COBL: variants seen among roughly 807,000 people sequenced by gnomAD.
The protein encoded by COBL is cordon-bleu WH2 repeat protein.
COBL carries 51 observed loss-of-function variants against 98.8 expected under a neutral mutation model. That is an observed-to-expected ratio of 0.52 (90% CI 0.41 to 0.65). The LOEUF is 0.65. COBL is among the 30% of genes least tolerant of loss of function. The pLI, the probability that COBL is intolerant of heterozygous loss-of-function variation, is 0.00. For synonymous variants in COBL, 634 were observed against 651.7 expected, an observed-to-expected ratio of 0.97 and a Z score of 0.41; for missense variants, 1,617 against 1,617.5, an observed-to-expected ratio of 1.00 and a Z score of 0.01.
At chr7:51,175,468 A>T (rs1040353501) in intron 5 of COBL, among the ~76,000 whole-genome samples, 3 of 152,226 alleles carry the variant, frequency 2.0e-5, no homozygotes, top group African/African-American at 7.2e-5. Flanking sequence ...TGTAAATCTT[A>T]CCATGTCTTG....
At chr7:51,280,202 C>A (rs951182317) in intron 1 of COBL, among the ~76,000 whole-genome samples, 8 of 152,092 alleles carry the variant, frequency 5.3e-5, no homozygotes, top group African/African-American at 1.7e-4. Flanking sequence ...GGATTCAATG[C>A]AGCCTGAAAC....
In COBL at chr7:51,029,501, G is replaced by A. The variant is rs1416534507; in HGVS notation, c.1595C>T (p.Pro532Leu). Residue 532 changes from proline (P) to leucine (L), a missense_variant, in exon 10 of 13, where the codon CCT becomes CTT. Coordinates refer to ENST00000265136, the MANE Select transcript of COBL (RefSeq NM_015198.5). ...TGGGATTGCATCTGTGTCGCCGTGA[G>A]GGATCATGGCATCCTGTGGGCAGTG... is the stretch of plus-strand genomic sequence containing the variant. ...SNHCPQDAMI[P>L]HGDTDAIPVT... 5.0e-6 allele frequency: 8 copies of A among 1,613,974 alleles called. No individual in the cohort carries two copies. Among genetic ancestry groups the A allele is most frequent in the African/African-American group, 2.7e-5 (2 of 74,934 alleles).
rs139785484 is a variant in COBL at position 51,219,056 on chromosome 7, G to T, written c.245+685C>A. ...TTTTGATCACTGTCAAACATAAAATGTGCAAATCTATTGGTCACAAACTCA... is the reference window on the plus strand; with the variant it reads ...TTTTGATCACTGTCAAACATAAAATTTGCAAATCTATTGGTCACAAACTCA... On this transcript the variant is annotated intron_variant, in intron 2 of 12. Transcript: ENST00000265136. Among the ~76,000 whole-genome samples the T allele has an allele frequency of 6.9e-3, 1,052 of 152,196 alleles. 8 individuals carry two copies. The highest frequency in any genetic ancestry group is 0.012 in the Non-Finnish European group (824 of 68,000).
At chr7:51,152,537 A>T (rs769576581) in intron 5 of COBL, among the ~76,000 whole-genome samples, 2 of 152,188 alleles carry the variant, frequency 1.3e-5, no homozygotes, top group Admixed American at 1.3e-4. Context: ...GACCTAAAGC[A>T]AGAGAAAAAA....
chr7:51,248,090 G>C (rs913939620), intron 1 of COBL, among the ~76,000 whole-genome samples: 1 of 152,022 alleles, frequency 6.6e-6, no homozygotes, highest in African/African-American at 2.4e-5. Context: ...AGTGAGCCGA[G>C]ATCACGCCAC....
intron 6 of COBL, among the ~76,000 whole-genome samples, chr7:51,128,009 A>T (rs1798387583): frequency 1.3e-5 from 2 of 152,224 alleles, no homozygotes; most frequent in African/African-American, 4.8e-5. Context: ...TCTGAAAGAA[A>T]GTCTTGGCAG....
chr7:51,296,130 T>C (rs1174839287), intron 1 of COBL, among the ~76,000 whole-genome samples: 4 of 152,230 alleles, frequency 2.6e-5, no homozygotes, highest in Non-Finnish European at 5.9e-5. Flanking sequence ...ATAACACTTG[T>C]TGTAATGGAC....
chr7:51,292,312 AT>A (rs1800980541), intron 1 of COBL, among the ~76,000 whole-genome samples: 1 of 152,228 alleles, frequency 6.6e-6, no homozygotes. Flanking sequence ...AATGAAATGA[AT>A]CTTCAAATCA....
intron 1 of COBL, among the ~76,000 whole-genome samples, chr7:51,284,052 A>G (rs562071340): frequency 4.2e-4 from 63 of 148,764 alleles, no homozygotes; most frequent in African/African-American, 1.5e-3. Context: ...TTGGGAGGCC[A>G]AGGTGGGCGG....
In COBL at chr7:51,231,204, G is replaced by A. The variant is rs78263132; in HGVS notation, c.42-11260C>T. Reference sequence around the variant, plus strand: ...GCTGGGATCTAAGCCTTCAGTTAGTGTAAGTATTGTAACCCAGTGTGGAAT... The same window carrying A: ...GCTGGGATCTAAGCCTTCAGTTAGTATAAGTATTGTAACCCAGTGTGGAAT... On this transcript the variant is annotated intron_variant, in intron 1 of 12. Coordinates refer to ENST00000265136, the MANE Select transcript of COBL (RefSeq NM_015198.5). 4.4e-4 allele frequency among the ~76,000 whole-genome samples: 67 copies of A among 152,340 alleles called. No homozygotes were observed. In the East Asian group the frequency reaches 9.4e-3, roughly 21 times the overall value.
chr7:51,110,021 C>T (rs189207889), intron 6 of COBL, among the ~76,000 whole-genome samples: 2 of 152,228 alleles, frequency 1.3e-5, no homozygotes, highest in African/African-American at 4.8e-5. Flanking sequence ...TTATGGGGTA[C>T]ATGTGGTATT....
At chr7:51,025,476 G>C (rs1384309207) in intron 11 of COBL, 104 bp from the exon 12 acceptor site, 2 of 1,190,604 alleles carry the variant, frequency 1.7e-6, no homozygotes, top group Non-Finnish European at 2.4e-6. Flanking sequence ...ATGAGGATTG[G>C]GGGTGACTAG....
At chr7:51,215,821 G>A (rs1792978512) in intron 2 of COBL, among the ~76,000 whole-genome samples, 1 of 152,350 alleles carries the variant, frequency 6.6e-6, no homozygotes, top group East Asian at 1.9e-4. Context: ...AGAGGGATGA[G>A]GGTCCCTCCC....
At chr7:51,054,559 A>G (rs374294272) in intron 7 of COBL, among the ~76,000 whole-genome samples, 14 of 152,110 alleles carry the variant, frequency 9.2e-5, no homozygotes, top group African/African-American at 3.4e-4. Context: ...TTTTTTCTCC[A>G]TGGCATCTCC....
At chr7:51,139,877 C>T (rs373484570) in intron 5 of COBL, among the ~76,000 whole-genome samples, 11 of 152,140 alleles carry the variant, frequency 7.2e-5, no homozygotes, top group Non-Finnish European at 1.0e-4. Context: ...CTTGGCCCCC[C>T]CTATTATCCC....
intron 5 of COBL, among the ~76,000 whole-genome samples, chr7:51,158,404 C>G (rs186656839): frequency 6.6e-6 from 1 of 151,890 alleles, no homozygotes; most frequent in Non-Finnish European, 1.5e-5. Flanking sequence ...CTCACTCACA[C>G]GCGTCCACAG....
chr7:51,187,432 T>A (rs187388952), intron 4 of COBL, among the ~76,000 whole-genome samples: 4 of 152,070 alleles, frequency 2.6e-5, no homozygotes, highest in Admixed American at 2.6e-4. Flanking sequence ...CTTAAATAGA[T>A]GTTGGAATAA....
At chr7:51,171,494 T>C (rs1787872480) in intron 5 of COBL, among the ~76,000 whole-genome samples, 1 of 152,192 alleles carries the variant, frequency 6.6e-6, no homozygotes, top group African/African-American at 2.4e-5. Context: ...ACATAATTAA[T>C]GTTGAACCTT....
chr7:51,239,981 C>A (rs1270104976), intron 1 of COBL, among the ~76,000 whole-genome samples: 1 of 152,194 alleles, frequency 6.6e-6, no homozygotes, highest in East Asian at 1.9e-4. Context: ...AATGAATGAA[C>A]TTGGCTGTGT....
Sources: allele counts gnomAD v4.1 joint callset (sites outside exome capture counted in the v4.1 genomes callset), GRCh38; gene constraint gnomAD v4.1.1; transcripts MANE v1.5; gene names NCBI Gene and HGNC (gene_info 2026-07-23, HGNC 2026-07-21).